The following JARID2 variants were observed in gnomAD, a reference collection of about 807,000 sequenced individuals.
The protein encoded by JARID2 is jumonji and AT-rich interaction domain containing 2, also known as protein Jumonji.
Under a neutral mutation model 125.6 loss-of-function variants are expected in JARID2, and 21 were observed. The ratio of observed to expected loss-of-function variants is 0.17; its 90% CI spans 0.12 to 0.24. JARID2 has a LOEUF of 0.24. JARID2 is among the 10% of genes least tolerant of loss of function. JARID2 has a pLI of 1.00. For synonymous variants in JARID2, 736 were observed against 661.6 expected, an observed-to-expected ratio of 1.11 and a Z score of -1.73; for missense variants, 1,303 against 1,639.6, an observed-to-expected ratio of 0.79 and a Z score of 3.55.
At chr6:15,337,750 ACT>A (rs1159974365) in intron 1 of JARID2, among the ~76,000 whole-genome samples, 1 of 151,112 alleles carries the variant, frequency 6.6e-6, no homozygotes, top group Non-Finnish European at 1.5e-5. Flanking sequence ...CCCCCTCCCA[ACT>A]CTGTTTCTGA....
chr6:15,328,129 A>C (rs1255206390), intron 1 of JARID2, among the ~76,000 whole-genome samples: 8 of 152,084 alleles, frequency 5.3e-5, no homozygotes, highest in African/African-American at 1.9e-4. Context: ...GGGAACCAGG[A>C]GGTGAATTTT....
At chr6:15,438,838 C>G (rs890921685) in intron 3 of JARID2, among the ~76,000 whole-genome samples, 1 of 152,112 alleles carries the variant, frequency 6.6e-6, no homozygotes, top group Non-Finnish European at 1.5e-5. Flanking sequence ...AGACCACCAG[C>G]CTGGGTAACA....
intron 1 of JARID2, among the ~76,000 whole-genome samples, chr6:15,304,196 C>T (rs1488549214): frequency 6.6e-6 from 1 of 151,278 alleles, no homozygotes; most frequent in African/African-American, 2.4e-5. Context: ...TCAGGAGCCT[C>T]AGGATCAGCT....
At position 15,520,791 on chromosome 6, in the gene JARID2, T is replaced by G; in HGVS notation, c.*540T>G. On this transcript the variant is annotated 3_prime_UTR_variant, in exon 18 of 18. Coordinates refer to ENST00000341776, the MANE Select transcript of JARID2 (RefSeq NM_004973.4). Reference sequence around the variant, plus strand: ...GATCTGGGAAGCCGGGGCACCCCCGTTTTGTTTCTCTGGGCGGTTGTGGCA... The same window carrying G: ...GATCTGGGAAGCCGGGGCACCCCCGGTTTGTTTCTCTGGGCGGTTGTGGCA... 2.2e-6 allele frequency: 1 copy of G among 455,800 alleles called. No individual in the cohort carries two copies. Among genetic ancestry groups the G allele is most frequent in the Non-Finnish European group, 4.4e-6 (1 of 226,726 alleles). The allele number at this position is 455,800 out of a possible 1,614,324, so 28.2% of individuals were successfully genotyped here.
intron 4 of JARID2, among the ~76,000 whole-genome samples, chr6:15,466,600 AT>A (rs1260043800): frequency 1.3e-5 from 2 of 152,230 alleles, no homozygotes; most frequent in African/African-American, 2.4e-5. Flanking sequence ...TTTTTCATAA[AT>A]ACTTATAAAG....
intron 1 of JARID2, among the ~76,000 whole-genome samples, chr6:15,292,055 C>G (rs757054912): frequency 1.3e-5 from 2 of 151,920 alleles, no homozygotes; most frequent in Admixed American, 1.3e-4. Context: ...CTTGCTCTGT[C>G]GCCCAAGCTG....
intron 1 of JARID2, among the ~76,000 whole-genome samples, chr6:15,337,044 G>A (rs932946355): frequency 2.0e-5 from 3 of 152,106 alleles, no homozygotes; most frequent in East Asian, 3.9e-4. Flanking sequence ...TGTCCTCCTC[G>A]CAGGGTGAGT....
rs1349356451 is a variant in JARID2 at position 15,509,662 on chromosome 6, G to A, written c.2846+1208G>A. ...AGAGGTGCCTTTGCCTCCGGAAGAA[G>A]AGCGTGGCCATTTCCTGTGGAGGAG... On this transcript the variant is annotated intron_variant, in intron 12 of 17. Transcript: ENST00000341776. 2.6e-5 allele frequency among the ~76,000 whole-genome samples: 4 copies of A among 152,254 alleles called. No homozygotes were observed. The East Asian group carries it at 7.7e-4, about 29-fold the overall frequency.
chr6:15,493,042 A>G (rs936193431), intron 6 of JARID2, among the ~76,000 whole-genome samples: 3 of 152,072 alleles, frequency 2.0e-5, no homozygotes, highest in African/African-American at 7.2e-5. Context: ...GAAGATAGTG[A>G]TATATAGAAT....
rs1408949474 is a variant in JARID2, at chr6:15,246,344, C to T, written c.-196C>T. On this transcript the variant is annotated 5_prime_UTR_variant, in exon 1 of 18. Coordinates refer to ENST00000341776, the MANE Select transcript of JARID2 (RefSeq NM_004973.4). ...TTGTTTGCTTCGTTCGTCTTTGGCT[C>T]TTTTTTTTTCCTTCCCAATTTCGGA... 3.4e-5 allele frequency: 19 copies of T among 563,620 alleles called. No homozygotes were observed. The highest frequency in any genetic ancestry group is 7.8e-5 in the African/African-American group (4 of 51,276). The allele number at this position is 563,620 out of a possible 1,614,324, so 34.9% of individuals were successfully genotyped here. A position where few individuals can be genotyped will look rare whatever the true frequency, so the allele number is the denominator to read the frequency against.
intron 1 of JARID2, among the ~76,000 whole-genome samples, chr6:15,264,640 T>TGTGTGA (rs1554116824): frequency 9.7e-4 from 146 of 150,406 alleles, no homozygotes; most frequent in African/African-American, 3.1e-3. Flanking sequence ...TGTGTGTGTG[T>TGTGTGA]GAGAGAGAGA....
At chr6:15,355,386 T>A (rs1416897545) in intron 1 of JARID2, among the ~76,000 whole-genome samples, 3 of 152,228 alleles carry the variant, frequency 2.0e-5, no homozygotes, top group Admixed American at 2.0e-4. Context: ...TGATTTTATA[T>A]CTAATGTTAA....
chr6:15,367,099 A>G (rs1764008622), intron 1 of JARID2, among the ~76,000 whole-genome samples: 1 of 152,158 alleles, frequency 6.6e-6, no homozygotes, highest in Admixed American at 6.5e-5. Context: ...CGTTACTACC[A>G]GTGCCCTTGA....
intron 2 of JARID2, among the ~76,000 whole-genome samples, chr6:15,384,188 C>CT: frequency 6.6e-6 from 1 of 151,956 alleles, no homozygotes; most frequent in East Asian, 1.9e-4. Context: ...AGCCTCGACT[C>CT]TCAGGCTCAT....
In JARID2 at chr6:15,521,684, A is replaced by G. The variant is rs78566515; in HGVS notation, c.*1433A>G. On this transcript the variant is annotated 3_prime_UTR_variant, in exon 18 of 18. Transcript: ENST00000341776. ...ATTCATCAATCCCGTAGCTACCCAT[A>G]TTGCACTGAGCTTGCCAGTGGTGAC... The G allele has an allele frequency of 1.5e-3, 225 of 152,354 alleles. No homozygotes were observed. The highest frequency in any genetic ancestry group is 5.1e-3 in the African/African-American group (211 of 41,580). 9.4% of individuals were successfully genotyped at this position (152,354 alleles called of 1,614,324 possible). A position where few individuals can be genotyped will look rare whatever the true frequency, so the allele number is the denominator to read the frequency against.
chr6:15,334,025 G>T (rs912661038), intron 1 of JARID2, among the ~76,000 whole-genome samples: 1 of 152,088 alleles, frequency 6.6e-6, no homozygotes, highest in African/African-American at 2.4e-5. Flanking sequence ...ACATCTTAGC[G>T]TGCGGAAGTC....
chr6:15,416,423 C>T (rs1291693569), intron 3 of JARID2, among the ~76,000 whole-genome samples: 3 of 152,316 alleles, frequency 2.0e-5, no homozygotes, highest in South Asian at 4.1e-4. Context: ...AACCAGACTC[C>T]GTCTGCAATC....
intron 3 of JARID2, among the ~76,000 whole-genome samples, chr6:15,435,909 C>T (rs533431354): frequency 6.6e-6 from 1 of 151,866 alleles, no homozygotes; most frequent in East Asian, 1.9e-4. Context: ...AGCTTTGCTG[C>T]ATTTTATGGT....
Position 15,496,506 on chromosome 6 carries a change from G to T in JARID2, c.1281G>T (p.Leu427=), listed in dbSNP as rs1179563658. Reference sequence around the variant, plus strand: ...CTAAGGAGGTGGGGGGGCGGCAGCTGCGGGAGGGCCTGCAGCTGCGGGAGG... The same window carrying T: ...CTAAGGAGGTGGGGGGGCGGCAGCTTCGGGAGGGCCTGCAGCTGCGGGAGG... ...SCTKEVGGRQ[L]REGLQLREGL... The change falls in exon 7 of 18, where the codon CTG becomes CTT. Residue 427 remains leucine, a synonymous_variant. Transcript: ENST00000341776. 1.9e-6 allele frequency: 3 copies of T among 1,606,834 alleles called. No homozygotes were observed. The highest frequency in any genetic ancestry group is 2.5e-6 in the Non-Finnish European group (3 of 1,176,798).
Sources: allele counts gnomAD v4.1 joint callset (sites outside exome capture counted in the v4.1 genomes callset), GRCh38; gene constraint gnomAD v4.1.1; transcripts MANE v1.5; gene names NCBI Gene and HGNC (gene_info 2026-07-23, HGNC 2026-07-21).